PCDH11X: variants seen among roughly 807,000 people sequenced by gnomAD.
The protein encoded by PCDH11X is protocadherin 11 X-linked, also known as protocadherin-11 X-linked.
A neutral mutation model predicts 53.3 loss-of-function variants in PCDH11X; 18 were observed. The ratio of observed to expected loss-of-function variants is 0.34; its 90% CI spans 0.23 to 0.50. PCDH11X has a LOEUF of 0.50. Among genes scored for constraint, PCDH11X ranks in the 20% least tolerant of loss-of-function variants. The pLI is 0.98. For missense variants in PCDH11X, 570 were observed against 1,032.4 expected, an observed-to-expected ratio of 0.55 and a Z score of 6.14; for synonymous variants, 279 against 393.3, an observed-to-expected ratio of 0.71 and a Z score of 3.44.
chrX:91,931,616 T>G, intron 6 of PCDH11X, among the ~76,000 whole-genome samples: 1 of 110,394 alleles, frequency 9.1e-6, no homozygotes, highest in Non-Finnish European at 1.9e-5. Context: ...TTAGGACTTA[T>G]TTAAAAACTT....
In PCDH11X at chrX:92,290,801, T is replaced by C. The variant is rs769714004; in HGVS notation, c.3144+27658T>C. Among the ~76,000 whole-genome samples, 110 of 104,485 alleles carry C rather than the reference T, an allele frequency of 1.1e-3. 1 individual carries two copies. Among genetic ancestry groups the C allele is most frequent in the African/African-American group, 3.7e-3 (105 of 28,619 alleles). 90.7% of individuals were successfully genotyped at this position (104,485 alleles called of 115,157 possible). ...GTAACAATGCACCACCATGTATTTC[T>C]TTTAAGTAACAAGATTTATAATTAC... On this transcript the variant is annotated intron_variant, in intron 8 of 10. Coordinates refer to ENST00000682573, the MANE Select transcript of PCDH11X (RefSeq NM_032968.5).
chrX:92,183,858 G>A (rs920102015), intron 6 of PCDH11X, among the ~76,000 whole-genome samples: 2 of 111,661 alleles, frequency 1.8e-5, no homozygotes, highest in Admixed American at 1.9e-4. Flanking sequence ...TTAAATGTCA[G>A]CTCCTCGATG....
At chrX:91,851,610 G>A (rs1178087953) in intron 5 of PCDH11X, among the ~76,000 whole-genome samples, 1 of 111,701 alleles carries the variant, frequency 9.0e-6, no homozygotes, top group East Asian at 2.8e-4. Flanking sequence ...TTTTAGCTCT[G>A]ATTAAGAACT....
chrX:92,189,009 T>C (rs1416624433), intron 6 of PCDH11X, among the ~76,000 whole-genome samples: 1 of 111,272 alleles, frequency 9.0e-6, no homozygotes, highest in African/African-American at 3.3e-5. Context: ...ATGACTAAAA[T>C]TCTAAAACCT....
intron 6 of PCDH11X, among the ~76,000 whole-genome samples, chrX:92,102,993 C>G (rs188858470): frequency 2.7e-5 from 3 of 110,758 alleles, no homozygotes; most frequent in South Asian, 3.8e-4. Context: ...GGGATATTGC[C>G]GTTGAGCGGG....
intron 10 of PCDH11X, among the ~76,000 whole-genome samples, chrX:92,584,129 A>G (rs72608340): frequency 1.8e-5 from 2 of 109,591 alleles, no homozygotes; most frequent in African/African-American, 3.3e-5. Context: ...ACTAACTAAA[A>G]CAGTGTCCAG....
intron 9 of PCDH11X, among the ~76,000 whole-genome samples, chrX:92,447,038 T>A: frequency 9.0e-6 from 1 of 111,547 alleles, no homozygotes; most frequent in East Asian, 2.8e-4. Flanking sequence ...TTGAGAGAGA[T>A]GATTTAAGGT....
At chrX:92,147,094 T>TA (rs1205179872) in intron 6 of PCDH11X, among the ~76,000 whole-genome samples, 1 of 108,848 alleles carries the variant, frequency 9.2e-6, no homozygotes, top group Non-Finnish European at 1.9e-5. Context: ...GGGAATGAAA[T>TA]AAATAGCTCA....
At chrX:92,596,930 G>T (rs1925678118) in intron 10 of PCDH11X, among the ~76,000 whole-genome samples, 1 of 109,733 alleles carries the variant, frequency 9.1e-6, no homozygotes, top group South Asian at 3.8e-4. Flanking sequence ...CATATCAATA[G>T]AATGAAAGAA....
chrX:92,128,783 A>T, intron 6 of PCDH11X, among the ~76,000 whole-genome samples: 1 of 110,867 alleles, frequency 9.0e-6, no homozygotes, highest in Non-Finnish European at 1.9e-5. Context: ...CAAAAGGCAG[A>T]TTATGTGTCA....
rs758867652 is a variant in PCDH11X at position 92,520,123 on chromosome X, A to T, written c.3367+51801A>T. The stretch of plus-strand genomic sequence containing the variant: ...GAGAAATAGAAAGGAATCAACATTA[A>T]CACTTAACGGTATTTATAGAATAAG... On this transcript the variant is annotated intron_variant, in intron 10 of 10. Transcript: ENST00000682573. Among the ~76,000 whole-genome samples, 10 of 110,452 alleles carry T rather than the reference A, an allele frequency of 9.1e-5. No homozygotes were observed. In the South Asian group the frequency reaches 3.9e-3, roughly 43 times the overall value.
Position 92,470,626 on chromosome X carries a change from T to A in PCDH11X, c.3367+2304T>A, listed in dbSNP as rs188001998. ...TTATTATATTGAGGTATGTTCATCC[T>A]ATAACCAATTCTTAGAGAATTTTTT... On this transcript the variant is annotated intron_variant, in intron 10 of 10. Transcript: ENST00000682573. Among the ~76,000 whole-genome samples, 833 of 111,787 alleles carry A rather than the reference T, an allele frequency of 7.5e-3. 7 individuals carry two copies. Among genetic ancestry groups the A allele is most frequent in the African/African-American group, 0.026 (794 of 30,837 alleles).
At chrX:92,153,387 C>A (rs371512007) in intron 6 of PCDH11X, among the ~76,000 whole-genome samples, 2 of 110,892 alleles carry the variant, frequency 1.8e-5, no homozygotes, top group Admixed American at 1.9e-4. Context: ...AAAACAGAGC[C>A]GCACTGAGTT....
chrX:92,125,487 T>C (rs1271623917), intron 6 of PCDH11X, among the ~76,000 whole-genome samples: 5 of 110,652 alleles, frequency 4.5e-5, no homozygotes, highest in Admixed American at 9.7e-5. Context: ...ATAGGTACAT[T>C]ATGTAACAGT....
intron 10 of PCDH11X, among the ~76,000 whole-genome samples, chrX:92,500,750 A>G (rs1287374682): frequency 9.6e-6 from 1 of 103,922 alleles, no homozygotes; most frequent in Non-Finnish European, 2.0e-5. Flanking sequence ...TTATAGCACT[A>G]AATCTCAACA....
chrX:92,439,317 ATC>A (rs1444740096), intron 9 of PCDH11X, among the ~76,000 whole-genome samples: 1 of 111,141 alleles, frequency 9.0e-6, no homozygotes, highest in African/African-American at 3.3e-5. Flanking sequence ...GATTGTGTTG[ATC>A]TCTGTTATAC....
intron 5 of PCDH11X, among the ~76,000 whole-genome samples, chrX:91,852,008 C>CTTTTTTTT (rs59675485): frequency 1.1e-5 from 1 of 94,475 alleles, no homozygotes; most frequent in Non-Finnish European, 2.1e-5. Flanking sequence ...ATTAGGAATT[C>CTTTTTTTT]TTTTTTTTTT....
rs1213559599 is a variant in PCDH11X at position 92,175,783 on chromosome X, T to TACACACAC, written c.3034-25591_3034-25590insCACACACA. Among the ~76,000 whole-genome samples the TACACACAC allele has an allele frequency of 3.7e-3, 320 of 85,831 alleles. 4 individuals are homozygous for TACACACAC. The highest frequency in any genetic ancestry group is 4.7e-3 in the Non-Finnish European group (218 of 45,968). The allele number at this position is 85,831 out of a possible 115,157, so 74.5% of individuals were successfully genotyped here. Reference sequence around the variant, plus strand: ...GTGTGTGTGTGTGTGTGTGTATATATATACACACACACACACACACAGAGA... The same window carrying TACACACAC: ...GTGTGTGTGTGTGTGTGTGTATATATACACACACATACACACACACACACACACAGAGA... On this transcript the variant is annotated intron_variant, in intron 6 of 10. Coordinates refer to ENST00000682573, the MANE Select transcript of PCDH11X (RefSeq NM_032968.5).
At chrX:92,186,378 C>T (rs976443506) in intron 6 of PCDH11X, among the ~76,000 whole-genome samples, 7 of 111,521 alleles carry the variant, frequency 6.3e-5, no homozygotes, top group African/African-American at 2.3e-4. Flanking sequence ...GCCTGTAATC[C>T]CAGCACTTTG....
Sources: allele counts gnomAD v4.1 joint callset (sites outside exome capture counted in the v4.1 genomes callset), GRCh38; gene constraint gnomAD v4.1.1; transcripts MANE v1.5; gene names NCBI Gene and HGNC (gene_info 2026-07-23, HGNC 2026-07-21).